Variants in PFKFB3 observed in about 807,000 individuals in gnomAD.
The protein encoded by PFKFB3 is 6-phosphofructo-2-kinase/fructose-2,6-bisphosphatase 3.
In PFKFB3, 33 loss-of-function variants were observed where a neutral mutation model predicts 68.0. The observed-to-expected ratio is 0.49, with a 90% CI of 0.37 to 0.65. PFKFB3 has a LOEUF of 0.65. Ranked by LOEUF, PFKFB3 falls within the 30% of genes least tolerant of loss-of-function variation. PFKFB3 has a pLI of 0.00. For missense variants in PFKFB3, 586 were observed against 712.2 expected (o/e 0.82, Z 2.02); for synonymous variants, 315 against 288.2 (o/e 1.09, Z -0.94).
the PFKFB3 span, among the ~76,000 whole-genome samples, chr10:6,298,066 A>AG: frequency 6.6e-6 from 1 of 152,158 alleles, no homozygotes; most frequent in Non-Finnish European, 1.5e-5. Flanking sequence ...AACAGAAAGA[A>AG]GGGGGGAGGA....
At chr10:6,157,347 C>T (rs1441153433) in intron 1 of PFKFB3, among the ~76,000 whole-genome samples, 1 of 151,798 alleles carries the variant, frequency 6.6e-6, no homozygotes, top group Non-Finnish European at 1.5e-5. Context: ...CTGCCTCAGC[C>T]TCCCGAGTAG....
At chr10:6,221,068 C>T (rs992843952) in intron 8 of PFKFB3, among the ~76,000 whole-genome samples, 3 of 151,772 alleles carry the variant, frequency 2.0e-5, no homozygotes, top group East Asian at 1.9e-4. Context: ...TGTGTGTCTA[C>T]GCCTATCCAT....
At chr10:6,281,562 C>G in the PFKFB3 span, among the ~76,000 whole-genome samples, 1 of 152,096 alleles carries the variant, frequency 6.6e-6, no homozygotes, top group Non-Finnish European at 1.5e-5. Flanking sequence ...AAAAGTGCCA[C>G]TTCTCTTAAC....
intron 14 of PFKFB3, among the ~76,000 whole-genome samples, chr10:6,232,419 G>A (rs1845804845): frequency 6.6e-6 from 1 of 152,022 alleles, no homozygotes; most frequent in African/African-American, 2.4e-5. Flanking sequence ...CCTGTGTTCT[G>A]CCTGTCAAGC....
chr10:6,272,217 G>A, the PFKFB3 span, among the ~76,000 whole-genome samples: 1 of 152,226 alleles, frequency 6.6e-6, no homozygotes, highest in Non-Finnish European at 1.5e-5. Flanking sequence ...AGGCAGTGCT[G>A]GGAGATGATA....
chr10:6,199,277 A>G (rs1843255445), upstream of PFKFB3, among the ~76,000 whole-genome samples: 2 of 152,198 alleles, frequency 1.3e-5, no homozygotes, highest in Admixed American at 6.6e-5. Context: ...TAACCTGGCT[A>G]TGGCTGGCAC....
At chr10:6,212,243 G>A (rs776882546) in intron 1 of PFKFB3, among the ~76,000 whole-genome samples, 2 of 152,246 alleles carry the variant, frequency 1.3e-5, no homozygotes, top group Non-Finnish European at 2.9e-5. Flanking sequence ...TCGGCAGGAT[G>A]CGGGAGTTGC....
intron 1 of PFKFB3, among the ~76,000 whole-genome samples, chr10:6,206,506 T>C (rs1177412471): frequency 7.6e-6 from 1 of 131,868 alleles, no homozygotes; most frequent in Non-Finnish European, 1.6e-5. Flanking sequence ...GCAGAGGGGC[T>C]CCTCACTTCC....
At chr10:6,213,488 G>A (rs899576917) in intron 1 of PFKFB3, 135 bp from the exon 2 acceptor site, 13 of 1,013,024 alleles carry the variant, frequency 1.3e-5, no homozygotes, top group South Asian at 9.6e-5. Flanking sequence ...CCGTGCTCCC[G>A]CCTGGGCAAC....
At chr10:6,256,236 G>A (rs907205310), downstream of PFKFB3, among the ~76,000 whole-genome samples, 3 of 152,158 alleles carry the variant, frequency 2.0e-5, no homozygotes, top group Non-Finnish European at 4.4e-5. Flanking sequence ...TTTCTTGGGT[G>A]GCTTGATGTA....
At chr10:6,320,610 C>T in the PFKFB3 span, among the ~76,000 whole-genome samples, 5 of 152,130 alleles carry the variant, frequency 3.3e-5, no homozygotes, top group Admixed American at 6.5e-5. Context: ...TTTTCAGTAG[C>T]GACGAGGTCT....
chr10:6,160,903 A>G (rs999070206), intron 1 of PFKFB3, among the ~76,000 whole-genome samples: 3 of 151,976 alleles, frequency 2.0e-5, no homozygotes, highest in African/African-American at 7.2e-5. Context: ...CCCAACCTTG[A>G]TGCATTTGGC....
intron 1 of PFKFB3, among the ~76,000 whole-genome samples, chr10:6,174,340 G>C (rs978150022): frequency 2.0e-5 from 3 of 152,184 alleles, no homozygotes; most frequent in African/African-American, 7.2e-5. Context: ...CCAGGACAGG[G>C]GTTCTTAGAA....
chr10:6,213,655 G>A lies in PFKFB3; in HGVS notation c.109G>A (p.Val37Ile), dbSNP rs200349885. ...CGPKLTNSPT[V>I]IVMVGLPARG... ...GCCAAAGCTGACCAACTCCCCCACC[G>A]TCATCGTCATGGTGGGCCTCCCCGC... is the stretch of plus-strand genomic sequence containing the variant. The change falls in exon 2 of 15, where the codon GTC (valine) becomes ATC (isoleucine). Residue 37 changes from valine to isoleucine, a missense_variant. By Grantham distance (29) the Val-to-Ile change is conservative (BLOSUM62 3). Coordinates refer to ENST00000379775, the MANE Select transcript of PFKFB3 (RefSeq NM_004566.4). 3.0e-5 allele frequency: 48 copies of A among 1,612,894 alleles called. No homozygotes were observed. The East Asian group carries it at 5.1e-4, about 17-fold the overall frequency.
At chr10:6,277,766 A>C in the PFKFB3 span, 3 of 429,406 alleles carry the variant, frequency 7.0e-6, no homozygotes, top group East Asian at 2.4e-4. Context: ...AGGAACTATG[A>C]GCCAATGAAA....
chr10:6,147,403 T>C (rs1409329), intron 1 of PFKFB3, among the ~76,000 whole-genome samples: 148,864 of 152,318 alleles, frequency 0.98, 72,844 homozygotes, highest in Middle Eastern at 1. Flanking sequence ...GGGACAACTG[T>C]GGATTCCCTC....
At chr10:6,280,500 A>G in the PFKFB3 span, among the ~76,000 whole-genome samples, 2,308 of 152,260 alleles carry the variant, frequency 0.015, 69 homozygotes, top group African/African-American at 0.052. Context: ...ATCCTTCAGG[A>G]CACACCCTTA....
chr10:6,169,129 A>G (rs927587146), intron 1 of PFKFB3, among the ~76,000 whole-genome samples: 14 of 152,024 alleles, frequency 9.2e-5, no homozygotes, highest in African/African-American at 2.4e-4. Context: ...TTTAGTAGAG[A>G]CGGGGTCTTG....
chr10:6,166,627 C>T (rs1272300824), intron 1 of PFKFB3, among the ~76,000 whole-genome samples: 4 of 152,130 alleles, frequency 2.6e-5, no homozygotes, highest in Admixed American at 2.6e-4. Context: ...GGGCTTCTCT[C>T]AGACGGAGGC....
Sources: gnomAD v4.1 joint callset for allele counts (sites outside exome capture counted in the v4.1 genomes callset) on GRCh38, gnomAD v4.1.1 for gene constraint, MANE v1.5 for transcripts, NCBI Gene and HGNC (gene_info 2026-07-23, HGNC 2026-07-21) for gene names.